The following SETD7 variants were observed in gnomAD, a reference collection of about 807,000 sequenced individuals.
SETD7 encodes histone-lysine N-methyltransferase SETD7.
SETD7 carries 16 observed loss-of-function variants against 41.8 expected under a neutral mutation model. The observed-to-expected ratio is 0.38, with a 90% CI of 0.26 to 0.58. The LOEUF (loss-of-function observed/expected upper bound fraction) is 0.58. Ranked by LOEUF, SETD7 falls within the 20% of genes least tolerant of loss-of-function variation. The pLI is 0.64. For missense variants in SETD7, 346 were observed against 459.7 expected, an observed-to-expected ratio of 0.75 and a Z score of 2.26; for synonymous variants, 163 against 169.7, an observed-to-expected ratio of 0.96 and a Z score of 0.31.
intron 4 of SETD7, among the ~76,000 whole-genome samples, chr4:139,528,203 A>C (rs1194146104): frequency 1.3e-5 from 2 of 152,216 alleles, no homozygotes; most frequent in Non-Finnish European, 2.9e-5. Context: ...CTCAGAAAAA[A>C]TGTTTAGTGT....
chr4:139,506,744 G>A lies in SETD7; in HGVS notation c.*4919C>T, dbSNP rs1726714737. The A allele has an allele frequency of 6.6e-6, 1 of 152,566 alleles. No homozygotes were observed. Among genetic ancestry groups the A allele is most frequent in the African/African-American group, 2.4e-5 (1 of 41,434 alleles). 9.5% of individuals were successfully genotyped at this position (152,566 alleles called of 1,614,324 possible). A position where few individuals can be genotyped will look rare whatever the true frequency, so the allele number is the denominator to read the frequency against. On this transcript the variant is annotated 3_prime_UTR_variant, in exon 8 of 8. Transcript: ENST00000274031. ...TGAATATCATCATAAAGGAGTTTTT[G>A]TTTGTTTGTTTTTTCAATAACATAA...
chr4:139,539,411 G>A (rs1380679707), intron 2 of SETD7, among the ~76,000 whole-genome samples: 1 of 152,200 alleles, frequency 6.6e-6, no homozygotes, highest in Non-Finnish European at 1.5e-5. Flanking sequence ...CCATCTGCTA[G>A]AACTATTTCC....
At chr4:139,538,560 C>T (rs774545096) in intron 2 of SETD7, among the ~76,000 whole-genome samples, 2 of 152,132 alleles carry the variant, frequency 1.3e-5, no homozygotes, top group Non-Finnish European at 2.9e-5. Flanking sequence ...AACTCCTGAC[C>T]TCAAGTGATC....
intron 3 of SETD7, 178 bp downstream of exon 3, chr4:139,532,987 C>T: frequency 3.3e-6 from 2 of 602,926 alleles, no homozygotes; most frequent in Non-Finnish European, 5.9e-6. Context: ...CAAGGGCCAA[C>T]AATCTAAGCC....
chr4:139,524,521 T>A (rs1413487937), intron 4 of SETD7, among the ~76,000 whole-genome samples: 3 of 152,140 alleles, frequency 2.0e-5, no homozygotes, highest in Non-Finnish European at 4.4e-5. Context: ...GCCTGGGCCT[T>A]CCTCATGGGA....
At chr4:139,524,410 A>G (rs956164003) in intron 4 of SETD7, among the ~76,000 whole-genome samples, 2 of 152,236 alleles carry the variant, frequency 1.3e-5, no homozygotes, top group African/African-American at 4.8e-5. Flanking sequence ...AGCCGTGAAG[A>G]GCCCAGACAC....
At position 139,521,190 on chromosome 4, in the gene SETD7, C is replaced by T. The variant is rs113486222; in HGVS notation, c.645-796G>A. ...CCTGTAATGCCAGCACTTTGGGAGG[C>T]TGAGGCGGGTGGATTACCTGAGGTC... On this transcript the variant is annotated intron_variant, in intron 5 of 7. Coordinates refer to ENST00000274031, the MANE Select transcript of SETD7 (RefSeq NM_030648.4). Among the ~76,000 whole-genome samples, 794 of 152,274 alleles carry T rather than the reference C, an allele frequency of 5.2e-3. 8 individuals are homozygous for T. The highest frequency in any genetic ancestry group is 9.2e-3 in the Non-Finnish European group (625 of 68,018).
intron 7 of SETD7, among the ~76,000 whole-genome samples, chr4:139,500,822 T>C (rs1726556034): frequency 1.3e-5 from 2 of 152,150 alleles, no homozygotes; most frequent in African/African-American, 2.4e-5. Context: ...CCACTGCACC[T>C]CGCACTCTGA....
chr4:139,515,945 T>G (rs1727010913), intron 7 of SETD7, among the ~76,000 whole-genome samples: 1 of 152,170 alleles, frequency 6.6e-6, no homozygotes, highest in African/African-American at 2.4e-5. Context: ...CAGGCCAAGC[T>G]AAGGAGAGCA....
chr4:139,501,133 G>C (rs1178349436), downstream of SETD7, among the ~76,000 whole-genome samples: 1 of 151,994 alleles, frequency 6.6e-6, no homozygotes, highest in Non-Finnish European at 1.5e-5. Flanking sequence ...ACTTACCCAG[G>C]CACATACAGT....
downstream of SETD7, among the ~76,000 whole-genome samples, chr4:139,495,578 G>C (rs1398078284): frequency 1.3e-5 from 2 of 152,194 alleles, no homozygotes; most frequent in Non-Finnish European, 2.9e-5. Context: ...AAAGAGAGCA[G>C]GGGAAGCTGC....
intron 2 of SETD7, among the ~76,000 whole-genome samples, chr4:139,535,109 A>C (rs922086815): frequency 6.6e-6 from 1 of 152,190 alleles, no homozygotes; most frequent in Non-Finnish European, 1.5e-5. Flanking sequence ...ATGAGATTCA[A>C]CTGTCATTAG....
At chr4:139,533,137 C>A in intron 3 of SETD7, 28 bp downstream of exon 3, 3 of 1,581,550 alleles carry the variant, frequency 1.9e-6, no homozygotes, top group Non-Finnish European at 1.7e-6. Flanking sequence ...TGTTACTTTC[C>A]AGCAGAGTGA....
At chr4:139,547,988 AT>A (rs1299959235) in intron 1 of SETD7, 1 of 152,204 alleles carries the variant, frequency 6.6e-6, no homozygotes, top group African/African-American at 2.4e-5. Flanking sequence ...TTTTATTACT[AT>A]CTACATGTTT....
chr4:139,496,882 A>G (rs1323924964), intron 7 of SETD7, among the ~76,000 whole-genome samples: 1 of 149,848 alleles, frequency 6.7e-6, no homozygotes, highest in Non-Finnish European at 1.5e-5. Flanking sequence ...GTACACACAC[A>G]CACACACATG....
intron 7 of SETD7, 42 bp downstream of exon 7, chr4:139,517,843 C>G (rs1385656362): frequency 6.3e-7 from 1 of 1,582,854 alleles, no homozygotes; most frequent in South Asian, 1.2e-5. Context: ...TCTCAGGGCC[C>G]TGAGGCATAG....
chr4:139,499,283 C>T (rs11937880), intron 7 of SETD7, among the ~76,000 whole-genome samples: 12,669 of 152,196 alleles, frequency 0.083, 1,659 homozygotes, highest in African/African-American at 0.28. Context: ...AAATGGAAAT[C>T]GAATTTGTAA....
chr4:139,525,022 G>A (rs1416766065), intron 4 of SETD7, among the ~76,000 whole-genome samples: 1 of 152,124 alleles, frequency 6.6e-6, no homozygotes, highest in Non-Finnish European at 1.5e-5. Flanking sequence ...TCGCCCTGTT[G>A]GCCAGGCTGG....
chr4:139,513,114 C>T (rs1266080256), intron 7 of SETD7, among the ~76,000 whole-genome samples: 1 of 151,868 alleles, frequency 6.6e-6, no homozygotes, highest in Non-Finnish European at 1.5e-5. Context: ...AGGTTCCAGG[C>T]CCTAAGTTAG....
Sources: allele counts gnomAD v4.1 joint callset (sites outside exome capture counted in the v4.1 genomes callset), GRCh38; gene constraint gnomAD v4.1.1; transcripts MANE v1.5; gene names NCBI Gene and HGNC (gene_info 2026-07-23, HGNC 2026-07-21).